Variants in SHANK2 observed in about 807,000 individuals in gnomAD.
SHANK2 encodes SH3 and multiple ankyrin repeat domains protein 2.
A neutral mutation model predicts 133.7 loss-of-function variants in SHANK2; 43 were observed. The observed-to-expected ratio is 0.32, with a 90% CI of 0.25 to 0.41. SHANK2 has a LOEUF of 0.41. SHANK2 is among the 10% of genes least tolerant of loss of function. SHANK2 has a pLI of 1.00. For synonymous variants in SHANK2, 1,017 were observed against 952.8 expected, an observed-to-expected ratio of 1.07 and a Z score of -1.24; for missense variants, 1,994 against 2,235.8, an observed-to-expected ratio of 0.89 and a Z score of 2.18.
At chr11:70,490,250 C>T in intron 23 of SHANK2, 26 bp downstream of exon 23, 1 of 1,590,042 alleles carries the variant, frequency 6.3e-7, no homozygotes, top group Non-Finnish European at 8.6e-7. Context: ...GGGGCAACTT[C>T]TGTGGGGGAG....
At chr11:71,095,636 C>A (rs1225263754) in intron 6 of SHANK2, among the ~76,000 whole-genome samples, 1 of 152,354 alleles carries the variant, frequency 6.6e-6, no homozygotes, top group Non-Finnish European at 1.5e-5. Flanking sequence ...GCTGACCCCT[C>A]ACCCCATCCC....
rs923364367 is a variant in SHANK2, at chr11:70,954,515, G to A, written c.1108-57948C>T. Among the ~76,000 whole-genome samples, 3 of 152,210 alleles carry A rather than the reference G, an allele frequency of 2.0e-5. No individual in the cohort carries two copies. In the East Asian group the frequency reaches 5.8e-4, roughly 29 times the overall value. ...CTCAGTTTGGAGCTCTGTGCAAAAGGAAATCAGACGAAGGGTCTGGGGGGC... is the reference window on the plus strand; with the variant it reads ...CTCAGTTTGGAGCTCTGTGCAAAAGAAAATCAGACGAAGGGTCTGGGGGGC... On this transcript the variant is annotated intron_variant, in intron 10 of 25. Coordinates refer to ENST00000601538, the MANE Select transcript of SHANK2 (RefSeq NM_012309.5).
At chr11:71,085,899 T>TG (rs1180340960) in intron 8 of SHANK2, among the ~76,000 whole-genome samples, 1 of 32,926 alleles carries the variant, frequency 3.0e-5, no homozygotes, top group African/African-American at 8.4e-5. Context: ...AATATATATA[T>TG]TAATTATATA....
chr11:71,175,239 A>G lies in SHANK2; in HGVS notation c.-12-27901T>C, dbSNP rs1297576799. On this transcript the variant is annotated intron_variant, in intron 2 of 25. Transcript: ENST00000601538. This position sits in a 1 kb window ranked among gnomAD's most constrained non-coding sequence, Gnocchi z 4.2. ...CAACTCAGCACAAGTACGAAGAACC[A>G]ATAAATGAGCAGTGGCAGGTTCCTG... is the stretch of plus-strand genomic sequence containing the variant. Among the ~76,000 whole-genome samples the G allele has an allele frequency of 1.3e-5, 2 of 152,198 alleles. No homozygotes were observed. Among genetic ancestry groups the G allele is most frequent in the Non-Finnish European group, 2.9e-5 (2 of 68,040 alleles).
At chr11:70,536,098 T>C (rs1303039110) in intron 17 of SHANK2, among the ~76,000 whole-genome samples, 1 of 152,122 alleles carries the variant, frequency 6.6e-6, no homozygotes, top group Non-Finnish European at 1.5e-5. Context: ...GCACCATGCC[T>C]GCCCCCTGGG....
intron 11 of SHANK2, among the ~76,000 whole-genome samples, chr11:70,868,829 T>TC (rs1949413912): frequency 6.6e-6 from 1 of 152,158 alleles, no homozygotes; most frequent in Non-Finnish European, 1.5e-5. Context: ...TGCCCAATTC[T>TC]CACCCAGGGT....
At chr11:70,677,423 G>A (rs1565234311) in intron 15 of SHANK2, among the ~76,000 whole-genome samples, 3 of 152,304 alleles carry the variant, frequency 2.0e-5, no homozygotes, top group East Asian at 3.9e-4. Flanking sequence ...CACCACCCAC[G>A]ATTCTGAAAA....
intron 16 of SHANK2, among the ~76,000 whole-genome samples, chr11:70,660,667 T>A (rs1327441962): frequency 2.0e-5 from 3 of 151,986 alleles, no homozygotes; most frequent in South Asian, 2.1e-4. Context: ...GGTGTGGAGA[T>A]AAAGATTCCA....
At chr11:71,111,895 G>A (rs952310031) in intron 5 of SHANK2, among the ~76,000 whole-genome samples, 3 of 152,188 alleles carry the variant, frequency 2.0e-5, no homozygotes, top group Non-Finnish European at 4.4e-5. Flanking sequence ...TCTGAATACC[G>A]CTTTCCAGGC....
chr11:70,574,756 A>G (rs1460176743), intron 17 of SHANK2, among the ~76,000 whole-genome samples: 5 of 152,106 alleles, frequency 3.3e-5, no homozygotes, highest in Admixed American at 3.3e-4. Context: ...GTCTCAGTCT[A>G]TGAACTGGGG....
At chr11:70,903,186 T>C (rs1950047738) in intron 10 of SHANK2, among the ~76,000 whole-genome samples, 2 of 151,826 alleles carry the variant, frequency 1.3e-5, no homozygotes, top group African/African-American at 2.4e-5. Context: ...AGACTAGCCT[T>C]CCCAACACGG....
intron 17 of SHANK2, among the ~76,000 whole-genome samples, chr11:70,538,252 C>T (rs1259339861): frequency 6.6e-6 from 1 of 152,202 alleles, no homozygotes; most frequent in Non-Finnish European, 1.5e-5. Context: ...AGTCCCCGGG[C>T]GCTGACCTCT....
chr11:70,933,308 A>T (rs1160848226), intron 10 of SHANK2: 2 of 454,844 alleles, frequency 4.4e-6, no homozygotes, highest in Non-Finnish European at 8.8e-6. Context: ...TGAGCTCCCT[A>T]AAGTTCTGAG....
intron 18 of SHANK2, 45 bp downstream of exon 18, chr11:70,502,751 C>CG (rs781819188): frequency 1.9e-5 from 25 of 1,319,664 alleles, no homozygotes; most frequent in Admixed American, 1.9e-4. Flanking sequence ...ACCCCCCCCC[C>CG]CCAGTAGGGC....
chr11:70,536,590 C>T (rs1554974227), intron 17 of SHANK2, among the ~76,000 whole-genome samples: 1 of 152,234 alleles, frequency 6.6e-6, no homozygotes. Flanking sequence ...CCGATTCCCA[C>T]ACTCAGTGTC....
chr11:70,830,048 G>T lies in SHANK2; in HGVS notation c.1175-9366C>A, dbSNP rs1948703919. On this transcript the variant is annotated intron_variant, in intron 11 of 25. Coordinates refer to ENST00000601538, the MANE Select transcript of SHANK2 (RefSeq NM_012309.5). This position sits in a 1 kb window ranked among gnomAD's most constrained non-coding sequence, Gnocchi z 4.4. ...CCTCCTTCCCCCACACCCACCACTT[G>T]CCCCCTTCCCTGGTGGGTGCAGACC... 6.6e-6 allele frequency among the ~76,000 whole-genome samples: 1 copy of T among 152,158 alleles called. No individual in the cohort carries two copies. The highest frequency in any genetic ancestry group is 2.4e-5 in the African/African-American group (1 of 41,438).
At chr11:71,185,022 C>T (rs183013339) in intron 2 of SHANK2, among the ~76,000 whole-genome samples, 2 of 152,334 alleles carry the variant, frequency 1.3e-5, no homozygotes, top group Admixed American at 1.3e-4. Flanking sequence ...GTCTGTACCC[C>T]GTGAGGGCAG....
Position 70,473,972 on chromosome 11 carries a change from G to T in SHANK2, c.4980-533C>A. On this transcript the variant is annotated intron_variant, in intron 25 of 25. Coordinates refer to ENST00000601538, the MANE Select transcript of SHANK2 (RefSeq NM_012309.5). This position sits in a 1 kb window ranked among gnomAD's most constrained non-coding sequence, Gnocchi z 5.9. ...GGACAGGCCCCTCAGCCGCCTGGCA[G>T]CCTTAGGCTTTTTGGGTAAATGGAC... is the stretch of plus-strand genomic sequence containing the variant. 1 of 212,162 alleles carries T rather than the reference G, an allele frequency of 4.7e-6. No individual in the cohort carries two copies. Among genetic ancestry groups the T allele is most frequent in the Non-Finnish European group, 9.8e-6 (1 of 102,136 alleles). The allele number at this position is 212,162 out of a possible 1,614,324, so 13.1% of individuals were successfully genotyped here.
At chr11:70,824,210 C>G (rs1255086750) in intron 11 of SHANK2, among the ~76,000 whole-genome samples, 1 of 151,990 alleles carries the variant, frequency 6.6e-6, no homozygotes, top group Non-Finnish European at 1.5e-5. Context: ...CAGGGCAGCC[C>G]TGGAGACAGA....
Sources: gnomAD v4.1 joint callset for allele counts (sites outside exome capture counted in the v4.1 genomes callset) on GRCh38, gnomAD v4.1.1 for gene constraint, Gnocchi (gnomAD v3.1) non-coding constraint, MANE v1.5 for transcripts, NCBI Gene and HGNC (gene_info 2026-07-23, HGNC 2026-07-21) for gene names.